TRIO: variants seen among roughly 807,000 people sequenced by gnomAD.
The protein encoded by TRIO is trio Rho guanine nucleotide exchange factor, also known as triple functional domain protein.
A neutral mutation model predicts 351.9 loss-of-function variants in TRIO; 58 were observed. The observed-to-expected ratio is 0.16, with a 90% confidence interval of 0.13 to 0.21. The LOEUF (loss-of-function observed/expected upper bound fraction) is 0.21. TRIO is among the 10% of genes least tolerant of loss of function. The probability of loss-of-function intolerance (pLI) is 1.00; values close to 1 mark genes in which losing one functional copy is unlikely to be tolerated. For missense variants in TRIO, 3,201 were observed against 4,027.8 expected (o/e 0.79, Z 5.56); for synonymous variants, 1,758 against 1,595.7 (o/e 1.10, Z -2.42).
intron 46 of TRIO, 92 bp downstream of exon 46, chr5:14,482,865 G>T: frequency 8.2e-7 from 1 of 1,219,868 alleles, no homozygotes; most frequent in South Asian, 2.2e-5. Flanking sequence ...ATACCCTGAT[G>T]CTTCGTTTAA....
chr5:14,421,470 G>A (rs1003951233), intron 34 of TRIO, among the ~76,000 whole-genome samples: 3 of 151,672 alleles, frequency 2.0e-5, no homozygotes, highest in East Asian at 1.9e-4. Flanking sequence ...TGGGTGTGGC[G>A]GCAGACGCCT....
At chr5:14,463,052 G>C in intron 36 of TRIO, 127 bp downstream of exon 36, 1 of 1,227,490 alleles carries the variant, frequency 8.1e-7, no homozygotes, top group Admixed American at 3.5e-5. Context: ...GGGCAATGCA[G>C]TGCTCTTTCA....
chr5:14,440,234 G>A (rs1751914147), intron 34 of TRIO, among the ~76,000 whole-genome samples: 1 of 152,168 alleles, frequency 6.6e-6, no homozygotes, highest in African/African-American at 2.4e-5. Flanking sequence ...GAAATTGTAA[G>A]CAGCTCAGAG....
intron 7 of TRIO, among the ~76,000 whole-genome samples, 183 bp from the exon 8 acceptor site, chr5:14,304,278 A>T (rs529710184): frequency 6.6e-6 from 1 of 152,100 alleles, no homozygotes; most frequent in Non-Finnish European, 1.5e-5. Flanking sequence ...GCTGGAACTC[A>T]CTCTGGGATT....
chr5:14,210,458 A>T (rs1330357773), intron 1 of TRIO, among the ~76,000 whole-genome samples: 1 of 152,230 alleles, frequency 6.6e-6, no homozygotes, highest in Non-Finnish European at 1.5e-5. Context: ...CTTGCTGTCC[A>T]GGTGCCCTTT....
At chr5:14,195,681 G>A (rs1046952387) in intron 1 of TRIO, among the ~76,000 whole-genome samples, 1 of 152,192 alleles carries the variant, frequency 6.6e-6, no homozygotes, top group Admixed American at 6.5e-5. Flanking sequence ...AAGTCCTACT[G>A]TAAGGAAGAG....
intron 1 of TRIO, among the ~76,000 whole-genome samples, chr5:14,253,000 T>G (rs2152249758): frequency 6.6e-6 from 1 of 152,320 alleles, no homozygotes; most frequent in Admixed American, 6.5e-5. Flanking sequence ...AAAATTACAA[T>G]TAGCCATTCA....
rs780991314 is a variant in TRIO, at chr5:14,481,576, G to T, written c.6423G>T (p.Arg2141=). 5 of 1,614,078 alleles carry T rather than the reference G, an allele frequency of 3.1e-6. No individual in the cohort carries two copies. The highest frequency in any genetic ancestry group is 4.2e-6 in the Non-Finnish European group (5 of 1,180,018). Residue 2141 remains arginine, a synonymous_variant, in exon 45 of 57, where the codon CGG becomes CGT. Transcript: ENST00000344204. The stretch of plus-strand genomic sequence containing the variant: ...AAGTCATGTGCATAGTACCCAGGCG[G>T]TGCAACGACATGATGAACGTGGGGC... The part of the protein sequence containing the change: ...AVEVMCIVPR[R]CNDMMNVGRL...
chr5:14,499,821 G>A (rs1429428070), intron 53 of TRIO, among the ~76,000 whole-genome samples: 2 of 152,030 alleles, frequency 1.3e-5, no homozygotes, highest in South Asian at 2.1e-4. Flanking sequence ...GGAGGCCGAG[G>A]TGGGTGGATC....
intron 32 of TRIO, 50 bp downstream of exon 32, chr5:14,406,040 G>A (rs746356690): frequency 6.3e-6 from 10 of 1,595,290 alleles, no homozygotes; most frequent in Middle Eastern, 2.1e-4. Context: ...AGGGAGGGGC[G>A]AGGCGGTGTT....
chr5:14,196,422 C>CA (rs71597902), intron 1 of TRIO, among the ~76,000 whole-genome samples: 49,360 of 101,512 alleles, frequency 0.49, 12,415 homozygotes, highest in Non-Finnish European at 0.54. Context: ...GACTCCGTCT[C>CA]AAAAAAAAAA....
At chr5:14,502,835 C>G in intron 54 of TRIO, among the ~76,000 whole-genome samples, 178 bp downstream of exon 54, 1 of 152,194 alleles carries the variant, frequency 6.6e-6, no homozygotes, top group East Asian at 1.9e-4. Flanking sequence ...AGTAAGGAAG[C>G]CATTTTCCAC....
chr5:14,300,265 C>CAGCTTAAAATATCTTTTTACTGT (rs1737762480), intron 7 of TRIO, among the ~76,000 whole-genome samples: 1 of 152,226 alleles, frequency 6.6e-6, no homozygotes, highest in Non-Finnish European at 1.5e-5. Context: ...GATTTTGCTA[C>CAGCTTAAAATATCTTTTTACTGT]AGCTTAAAAT....
At position 14,474,017 on chromosome 5, in the gene TRIO, A is replaced by C; in HGVS notation, c.6003A>C (p.Glu2001Asp). 1 of 1,613,524 alleles carries C rather than the reference A, an allele frequency of 6.2e-7. No individual in the cohort carries two copies. The highest frequency in any genetic ancestry group is 8.5e-7 in the Non-Finnish European group (1 of 1,179,468). Reference protein sequence around the residue: ...VVEGYMALMKEDGVPDDMKGK... With the variant: ...VVEGYMALMKDDGVPDDMKGK... ...AGGGCTACATGGCACTTATGAAAGA[A>C]GATGGTGTTCCTGATGACATGAAAG... The change falls in exon 40 of 57, where the codon GAA (glutamate) becomes GAC (aspartate). Residue 2001 changes from glutamate to aspartate, a missense_variant. Around this residue, in one of 19 missense-constraint regions of TRIO, gnomAD observed 307 missense variants for 396.5 expected, o/e 0.77. Transcript: ENST00000344204.
intron 5 of TRIO, among the ~76,000 whole-genome samples, chr5:14,291,561 G>A (rs1736904500): frequency 6.6e-6 from 1 of 151,894 alleles, no homozygotes; most frequent in East Asian, 1.9e-4. Flanking sequence ...GGCCGAGGTG[G>A]GCTGATCACC....
At chr5:14,482,482 A>C in intron 45 of TRIO, 100 bp from the exon 46 acceptor site, 2 of 945,532 alleles carry the variant, frequency 2.1e-6, no homozygotes, top group Middle Eastern at 2.7e-4. Context: ...AGAAAAATAC[A>C]TTATTCCATA....
At chr5:14,353,197 A>G (rs1332349986) in intron 11 of TRIO, among the ~76,000 whole-genome samples, 1 of 152,144 alleles carries the variant, frequency 6.6e-6, no homozygotes, top group African/African-American at 2.4e-5. Flanking sequence ...TCTTAGAACA[A>G]AAACAGTAAC....
chr5:14,488,993 C>A (rs747164107), intron 48 of TRIO: 1 of 765,106 alleles, frequency 1.3e-6, no homozygotes, highest in Non-Finnish European at 2.4e-6. Context: ...CCTCTGTTTC[C>A]TGCTTCCTCA....
At chr5:14,224,011 A>G (rs142802837) in intron 1 of TRIO, among the ~76,000 whole-genome samples, 1 of 152,284 alleles carries the variant, frequency 6.6e-6, no homozygotes, top group East Asian at 1.9e-4. Flanking sequence ...AAATAGTATT[A>G]ATAAAAGTAA....
Sources: allele counts gnomAD v4.1 joint callset (sites outside exome capture counted in the v4.1 genomes callset), GRCh38; gene constraint gnomAD v4.1.1; regional missense constraint gnomAD v4.1.1; transcripts MANE v1.5; gene names NCBI Gene and HGNC (gene_info 2026-07-23, HGNC 2026-07-21).